The following PRDM16 variants were observed in gnomAD, a reference collection of about 807,000 sequenced individuals.
PRDM16 encodes the protein PR/SET domain 16, also known as histone-lysine N-methyltransferase PRDM16.
Under a neutral mutation model 110.6 loss-of-function variants are expected in PRDM16, and 23 were observed. The observed-to-expected ratio is 0.21, with a 90% CI of 0.15 to 0.29. The LOEUF is 0.29. Among genes scored for constraint, PRDM16 ranks in the 10% least tolerant of loss-of-function variants. The probability of loss-of-function intolerance (pLI) is 1.00; values close to 1 mark genes in which losing one functional copy is unlikely to be tolerated. For synonymous variants in PRDM16, 799 were observed against 781.8 expected, an observed-to-expected ratio of 1.02 and a Z score of -0.37; for missense variants, 1,615 against 1,794.3, an observed-to-expected ratio of 0.90 and a Z score of 1.81.
At position 3,332,974 on chromosome 1, in the gene PRDM16, G is replaced by A. The variant is rs565456953; in HGVS notation, c.439-52178G>A. The stretch of plus-strand genomic sequence containing the variant: ...TCCTTTTCTTGGCTAATATTCTGCT[G>A]CAGACTCCTCTGCTGGTGGACATGA... On this transcript the variant is annotated intron_variant, in intron 3 of 16. Transcript: ENST00000270722. 3.9e-5 allele frequency among the ~76,000 whole-genome samples: 6 copies of A among 152,332 alleles called. No individual in the cohort carries two copies. In the South Asian group the frequency reaches 8.3e-4, roughly 21 times the overall value.
intron 1 of PRDM16, among the ~76,000 whole-genome samples, chr1:3,077,176 G>T (rs4648358): frequency 0.14 from 21,972 of 152,264 alleles, 2,010 homozygotes; most frequent in South Asian, 0.2. Flanking sequence ...GGGCGAATAT[G>T]AAGTCCTGGT....
In PRDM16 at chr1:3,142,055, A is replaced by G. The variant is rs1316583542; in HGVS notation, c.38-44070A>G. Among the ~76,000 whole-genome samples the G allele has an allele frequency of 2.0e-5, 3 of 152,352 alleles. No individual in the cohort carries two copies. The East Asian group carries it at 5.8e-4, about 29-fold the overall frequency. The stretch of plus-strand genomic sequence containing the variant: ...ACTCTGGCCCGTGCCAAGCACACCC[A>G]TCCACCCCGCAGGAGCTGGGAGCAC... On this transcript the variant is annotated intron_variant, in intron 1 of 16. Coordinates refer to ENST00000270722, the MANE Select transcript of PRDM16 (RefSeq NM_022114.4).
At chr1:3,327,038 C>T (rs1570080004) in intron 3 of PRDM16, among the ~76,000 whole-genome samples, 3 of 152,368 alleles carry the variant, frequency 2.0e-5, no homozygotes, top group Admixed American at 2.0e-4. Context: ...ACCCTGAACA[C>T]CTCTGGGAGC....
rs545897326 is a variant in PRDM16, at chr1:3,358,375, G to A, written c.439-26777G>A. ...GAGGGTGCTGGAGAAGACCTGGGCA[G>A]TGGGTGGCAGCCATGGGGACTGATG... On this transcript the variant is annotated intron_variant, in intron 3 of 16. Coordinates refer to ENST00000270722, the MANE Select transcript of PRDM16 (RefSeq NM_022114.4). This position sits in a 1 kb window ranked among gnomAD's most constrained non-coding sequence, Gnocchi z 4.0. 2.1e-4 allele frequency among the ~76,000 whole-genome samples: 32 copies of A among 152,356 alleles called. No homozygotes were observed. Among genetic ancestry groups the A allele is most frequent in the Non-Finnish European group, 3.1e-4 (21 of 68,038 alleles).
intron 3 of PRDM16, among the ~76,000 whole-genome samples, chr1:3,376,379 G>A (rs927934386): frequency 2.6e-5 from 4 of 152,182 alleles, no homozygotes; most frequent in Admixed American, 6.5e-5. Context: ...CACGTGTCCC[G>A]GGCCTTCTTC....
chr1:3,221,054 G>A (rs1193867905), intron 2 of PRDM16, among the ~76,000 whole-genome samples: 1 of 152,238 alleles, frequency 6.6e-6, no homozygotes, highest in Non-Finnish European at 1.5e-5. Flanking sequence ...GGTCAGTGAG[G>A]TGGAGAGGGG....
At chr1:3,212,147 C>A (rs751337048) in intron 2 of PRDM16, among the ~76,000 whole-genome samples, 1 of 152,154 alleles carries the variant, frequency 6.6e-6, no homozygotes. Context: ...CTGCGCGGCG[C>A]GGGCCTCCAT....
chr1:3,276,541 GC>G (rs2100307673), intron 3 of PRDM16, among the ~76,000 whole-genome samples: 1 of 152,364 alleles, frequency 6.6e-6, no homozygotes, highest in African/African-American at 2.4e-5. Context: ...AGGCCCCACG[GC>G]CCTAACTCCG....
At chr1:3,256,718 A>G (rs1971331) in intron 3 of PRDM16, among the ~76,000 whole-genome samples, 133,832 of 151,404 alleles carry the variant, frequency 0.88, 59,915 homozygotes, top group Non-Finnish European at 0.95. Flanking sequence ...TTAGCCGGGC[A>G]TGGTGGCGGG....
rs534652557 is a variant in PRDM16 at position 3,088,577 on chromosome 1, C to T, written c.37+19281C>T. On this transcript the variant is annotated intron_variant, in intron 1 of 16. Transcript: ENST00000270722. Reference sequence around the variant, plus strand: ...GCCTCCTGGGTTCAAGCCATTCTCCCGCCTCAGCCTCCCGAGTAGCTGGGA... The same window carrying T: ...GCCTCCTGGGTTCAAGCCATTCTCCTGCCTCAGCCTCCCGAGTAGCTGGGA... 2.8e-3 allele frequency among the ~76,000 whole-genome samples: 426 copies of T among 150,502 alleles called. 1 individual carries two copies. Among genetic ancestry groups the T allele is most frequent in the African/African-American group, 1.0e-2 (411 of 41,104 alleles).
intron 2 of PRDM16, among the ~76,000 whole-genome samples, chr1:3,230,601 G>T (rs1022173198): frequency 6.6e-6 from 1 of 152,220 alleles, no homozygotes; most frequent in Non-Finnish European, 1.5e-5. Flanking sequence ...ATGAACAGCC[G>T]TTTCAGACTG....
At chr1:3,405,911 G>C (rs1036256885) in intron 8 of PRDM16, among the ~76,000 whole-genome samples, 3 of 152,200 alleles carry the variant, frequency 2.0e-5, no homozygotes, top group African/African-American at 7.2e-5. Flanking sequence ...GGGGCTGGAG[G>C]GGGGCAGTGG....
At position 3,290,320 on chromosome 1, in the gene PRDM16, C is replaced by T. The variant is rs1485526873; in HGVS notation, c.438+46183C>T. On this transcript the variant is annotated intron_variant, in intron 3 of 16. Transcript: ENST00000270722. This position sits in a 1 kb window ranked among gnomAD's most constrained non-coding sequence, Gnocchi z 4.8. ...GCTCAGGGGTCCTCAGAGGTGTCGC[C>T]CCTTCCATGCTCAAAATGGCTGGAA... Among the ~76,000 whole-genome samples the T allele has an allele frequency of 6.6e-6, 1 of 152,100 alleles. No individual in the cohort carries two copies. Among genetic ancestry groups the T allele is most frequent in the East Asian group, 1.9e-4 (1 of 5,172 alleles).
intron 1 of PRDM16, among the ~76,000 whole-genome samples, chr1:3,117,014 C>A (rs1273972115): frequency 6.6e-6 from 1 of 152,220 alleles, no homozygotes; most frequent in South Asian, 2.1e-4. Flanking sequence ...TGAATTCTGG[C>A]CCTGAAAGTG....
chr1:3,099,870 C>T (rs1483354986), intron 1 of PRDM16, among the ~76,000 whole-genome samples: 1 of 152,194 alleles, frequency 6.6e-6, no homozygotes, highest in Non-Finnish European at 1.5e-5. Flanking sequence ...CCTCCTTCTC[C>T]ACCTCCTTCC....
rs1287294224 is a variant in PRDM16, at chr1:3,434,090, G to A, written c.*279G>A. The A allele has an allele frequency of 9.9e-6, 4 of 403,910 alleles. No individual in the cohort carries two copies. Among genetic ancestry groups the A allele is most frequent in the Admixed American group, 4.3e-5 (1 of 23,504 alleles). 25.0% of individuals were successfully genotyped at this position (403,910 alleles called of 1,614,324 possible). A position where few individuals can be genotyped will look rare whatever the true frequency, so the allele number is the denominator to read the frequency against. On this transcript the variant is annotated 3_prime_UTR_variant, in exon 17 of 17. Transcript: ENST00000270722. ...CAAAGACAGCCAACGGAGCTGCCTC[G>A]CAGAATCAGCCAGTGGGCAGGTGGA...
chr1:3,240,024 GA>G (rs1639624650), intron 2 of PRDM16, among the ~76,000 whole-genome samples: 1 of 139,532 alleles, frequency 7.2e-6, no homozygotes, highest in Non-Finnish European at 1.5e-5. Context: ...GAGAGAGAGA[GA>G]AGAGGAGAGG....
Position 3,209,063 on chromosome 1 carries a change from A to G in PRDM16, c.387+22589A>G, listed in dbSNP as rs1200238643. ...TATTTAGGGACAGAGAGCAGTGGGA[A>G]TTCAGAAGGAGCTCAGAAGGGAATG... On this transcript the variant is annotated intron_variant, in intron 2 of 16. Transcript: ENST00000270722. This position sits in a 1 kb window ranked among gnomAD's most constrained non-coding sequence, Gnocchi z 4.6. Among the ~76,000 whole-genome samples the G allele has an allele frequency of 6.6e-6, 1 of 152,222 alleles. No individual in the cohort carries two copies. The highest frequency in any genetic ancestry group is 2.4e-5 in the African/African-American group (1 of 41,464).
At chr1:3,400,855 C>A (rs1476362613) in intron 5 of PRDM16, among the ~76,000 whole-genome samples, 6 of 152,206 alleles carry the variant, frequency 3.9e-5, no homozygotes, top group Non-Finnish European at 5.9e-5. Context: ...AATGCACACA[C>A]CCCTGGGGCT....
Sources: allele counts gnomAD v4.1 joint callset (sites outside exome capture counted in the v4.1 genomes callset), GRCh38; gene constraint gnomAD v4.1.1; non-coding constraint Gnocchi (gnomAD v3.1); transcripts MANE v1.5; gene names NCBI Gene and HGNC (gene_info 2026-07-23, HGNC 2026-07-21).